Variants in TENM1 observed in about 807,000 individuals in gnomAD.
TENM1 encodes the protein teneurin transmembrane protein 1, also known as teneurin-1.
TENM1 carries 35 observed loss-of-function variants against 174.8 expected under a neutral mutation model. That is an observed-to-expected ratio of 0.20 (90% CI 0.15 to 0.27). TENM1 has a LOEUF of 0.27. Among genes scored for constraint, TENM1 ranks in the 10% least tolerant of loss-of-function variants. The pLI, the probability that TENM1 is intolerant of heterozygous loss-of-function variation, is 1.00. For missense variants in TENM1, 1,633 were observed against 2,130.1 expected (o/e 0.77, Z 4.59); for synonymous variants, 781 against 798.7 (o/e 0.98, Z 0.37).
chrX:124,884,417 T>C (rs2057351215), intron 3 of TENM1, among the ~76,000 whole-genome samples: 1 of 110,906 alleles, frequency 9.0e-6, no homozygotes, highest in African/African-American at 3.3e-5. Context: ...GACATCTCTC[T>C]CTGGAGCAAT....
chrX:125,131,379 G>GT, the TENM1 span, among the ~76,000 whole-genome samples: 1 of 111,956 alleles, frequency 8.9e-6, no homozygotes, highest in Admixed American at 9.5e-5. Flanking sequence ...TTTGTTTAAG[G>GT]TATCAGCTGC....
chrX:124,751,160 G>C (rs1182112064), intron 3 of TENM1, among the ~76,000 whole-genome samples: 1 of 111,480 alleles, frequency 9.0e-6, no homozygotes, highest in Non-Finnish European at 1.9e-5. Flanking sequence ...TATGTATGCT[G>C]TTTTTCTTCC....
the TENM1 span, among the ~76,000 whole-genome samples, chrX:125,179,872 T>C: frequency 3.8e-5 from 4 of 106,476 alleles, no homozygotes; most frequent in African/African-American, 6.9e-5. Flanking sequence ...GCTATCACCA[T>C]TGGTAATTGC....
At chrX:125,092,087 T>C in the TENM1 span, among the ~76,000 whole-genome samples, 7 of 109,411 alleles carry the variant, frequency 6.4e-5, no homozygotes, top group Non-Finnish European at 1.3e-4. Context: ...AAAATACCCT[T>C]AGGAAAATAG....
intron 3 of TENM1, among the ~76,000 whole-genome samples, chrX:124,805,468 T>A (rs2055569480): frequency 1.8e-5 from 2 of 112,705 alleles, no homozygotes; most frequent in Non-Finnish European, 3.7e-5. Context: ...TTTCAGAGGC[T>A]GATAAGATTT....
chrX:125,029,843 C>T, the TENM1 span, among the ~76,000 whole-genome samples: 2 of 111,522 alleles, frequency 1.8e-5, no homozygotes, highest in Admixed American at 1.9e-4. Flanking sequence ...CAATCCAGTT[C>T]ACCAGGGTAG....
At chrX:124,710,192 A>G (rs2053011934) in intron 4 of TENM1, among the ~76,000 whole-genome samples, 1 of 110,764 alleles carries the variant, frequency 9.0e-6, no homozygotes, top group South Asian at 3.9e-4. Flanking sequence ...GTGTAGCACT[A>G]TACAGGCAGC....
chrX:124,584,488 G>C (rs1475989510), intron 11 of TENM1, among the ~76,000 whole-genome samples: 2 of 104,470 alleles, frequency 1.9e-5, no homozygotes, highest in African/African-American at 3.4e-5. Context: ...CAAATGCTGA[G>C]AGATTTTGTC....
intron 11 of TENM1, among the ~76,000 whole-genome samples, chrX:124,626,505 T>C (rs1159438322): frequency 1.8e-5 from 2 of 112,113 alleles, no homozygotes; most frequent in East Asian, 2.8e-4. Context: ...GCCTGACTCA[T>C]ACAACTGGAT....
rs1423672542 is a variant in TENM1 at position 124,377,373 on chromosome X, A to C, written c.*3163T>G. ...TAAATTGACAGTAAAGGACACACTT[A>C]TTTTATACATTTTTTGGGTTAAAAA... On this transcript the variant is annotated 3_prime_UTR_variant, in exon 32 of 32. Transcript: ENST00000422452. 4 of 111,197 alleles carry C rather than the reference A, an allele frequency of 3.6e-5. No individual in the cohort carries two copies. The Admixed American group carries it at 3.8e-4, about 11-fold the overall frequency. The allele number at this position is 111,197 out of a possible 1,213,427, so 9.2% of individuals were successfully genotyped here. A position where few individuals can be genotyped will look rare whatever the true frequency, so the allele number is the denominator to read the frequency against.
At chrX:124,463,117 T>A (rs1603276460) in intron 22 of TENM1, among the ~76,000 whole-genome samples, 1 of 112,073 alleles carries the variant, frequency 8.9e-6, no homozygotes, top group South Asian at 3.7e-4. Context: ...TCTGTCAATA[T>A]AACTTTGTTT....
the TENM1 span, among the ~76,000 whole-genome samples, chrX:125,106,157 A>C: frequency 9.0e-6 from 1 of 111,498 alleles, no homozygotes; most frequent in African/African-American, 3.3e-5. Context: ...ATCTTAGTTA[A>C]TGTTTCCCAG....
At chrX:124,584,644 C>G (rs1254867181) in intron 11 of TENM1, among the ~76,000 whole-genome samples, 1 of 110,977 alleles carries the variant, frequency 9.0e-6, no homozygotes, top group Non-Finnish European at 1.9e-5. Context: ...GCAAAATAAC[C>G]AGCTAACATC....
intron 23 of TENM1, among the ~76,000 whole-genome samples, chrX:124,435,176 G>A (rs2060823892): frequency 9.0e-6 from 1 of 111,647 alleles, no homozygotes; most frequent in East Asian, 2.8e-4. Context: ...GTCCTCTTGA[G>A]ATCCAAGGCT....
intron 4 of TENM1, among the ~76,000 whole-genome samples, chrX:124,713,014 T>C (rs1001145002): frequency 9.0e-6 from 1 of 111,253 alleles, no homozygotes; most frequent in Non-Finnish European, 1.9e-5. Flanking sequence ...AGAATTTCAT[T>C]TTATTTGCCC....
chrX:124,597,037 T>C (rs1410448772), intron 11 of TENM1, among the ~76,000 whole-genome samples: 13 of 111,446 alleles, frequency 1.2e-4, no homozygotes, highest in Non-Finnish European at 2.3e-4. Context: ...GATATTGGCA[T>C]AGATGTAGTG....
the TENM1 span, among the ~76,000 whole-genome samples, chrX:125,050,861 G>A: frequency 2.7e-5 from 3 of 111,836 alleles, no homozygotes; most frequent in South Asian, 3.7e-4. Context: ...ATTCAGGCAG[G>A]AGAAGGAAAT....
At chrX:124,501,496 A>T (rs1176130400) in intron 19 of TENM1, among the ~76,000 whole-genome samples, 1 of 112,334 alleles carries the variant, frequency 8.9e-6, no homozygotes, top group Non-Finnish European at 1.9e-5. Flanking sequence ...GGCAACAGAC[A>T]TCCAGTCTAA....
the TENM1 span, among the ~76,000 whole-genome samples, chrX:125,111,168 C>G: frequency 8.9e-6 from 1 of 112,239 alleles, no homozygotes; most frequent in Non-Finnish European, 1.9e-5. Flanking sequence ...ATTTAACCAT[C>G]ATTCACAACA....
Sources: gnomAD v4.1 joint callset for allele counts (sites outside exome capture counted in the v4.1 genomes callset) on GRCh38, gnomAD v4.1.1 for gene constraint, MANE v1.5 for transcripts, NCBI Gene and HGNC (gene_info 2026-07-23, HGNC 2026-07-21) for gene names.